KAZALD1: variants seen among roughly 807,000 people sequenced by gnomAD.
The protein encoded by KAZALD1 is kazal-type serine protease inhibitor domain-containing protein 1.
Under a neutral mutation model 27.7 loss-of-function variants are expected in KAZALD1, and 31 were observed. That is an observed-to-expected ratio of 1.12 (90% confidence interval 0.84 to 1.51). The LOEUF (loss-of-function observed/expected upper bound fraction) is 1.51, where lower values mean the gene tolerates loss of function less well. KAZALD1 is among the 40% of genes most tolerant of loss of function. KAZALD1 has a pLI of 0.00. For missense variants in KAZALD1, 444 were observed against 408.9 expected (o/e 1.09, Z -0.74); for synonymous variants, 179 against 182.0 (o/e 0.98, Z 0.13).
chr10:101,064,093 C>A lies in KAZALD1; in HGVS notation c.512-168C>A, dbSNP rs1432509389. 3 of 666,158 alleles carry A rather than the reference C, an allele frequency of 4.5e-6. No homozygotes were observed. In the East Asian group the frequency reaches 8.2e-5, roughly 18 times the overall value. The allele number at this position is 666,158 out of a possible 1,614,324, so 41.3% of individuals were successfully genotyped here. ...CCCTTGTGTGTACCAGCATCCATATCTGTGTGTACCTGTGTGTGTCACGGT... is the reference window on the plus strand; with the variant it reads ...CCCTTGTGTGTACCAGCATCCATATATGTGTGTACCTGTGTGTGTCACGGT... On this transcript the variant is annotated intron_variant, in intron 2 of 4. Transcript: ENST00000370200.
Position 101,066,443 on chromosome 10 carries a change from G to T in KAZALD1, c.*1523G>T, listed in dbSNP as rs752896145. 2.2e-6 allele frequency: 1 copy of T among 456,562 alleles called. No individual in the cohort carries two copies. Among genetic ancestry groups the T allele is most frequent in the Non-Finnish European group, 4.4e-6 (1 of 226,952 alleles). 28.3% of individuals were successfully genotyped at this position (456,562 alleles called of 1,614,324 possible). A position where few individuals can be genotyped will look rare whatever the true frequency, so the allele number is the denominator to read the frequency against. On this transcript the variant is annotated 3_prime_UTR_variant, in exon 5 of 5. Transcript: ENST00000370200. ...TAAGCCAGCGACAGTTTTTATTGCCGAACCCAGGCTGGAAGCGGGCGGCCC... is the reference window on the plus strand; with the variant it reads ...TAAGCCAGCGACAGTTTTTATTGCCTAACCCAGGCTGGAAGCGGGCGGCCC...
Position 101,064,572 on chromosome 10 carries a change from G to C in KAZALD1, c.744G>C (p.Glu248Asp), listed in dbSNP as rs1387911635. ...LQIQAVRPSD[E>D]GTYRCLGRNA... ...TCCAGGCTGTGCGTCCCAGTGATGA[G>C]GGCACTTACCGCTGCCTTGGCCGCA... Residue 248 changes from glutamate to aspartate, a missense_variant, in exon 4 of 5, where the codon GAG becomes GAC. By Grantham distance (45) the Glu-to-Asp change is conservative (BLOSUM62 2). Transcript: ENST00000370200. 1.2e-6 allele frequency: 2 copies of C among 1,614,118 alleles called. No homozygotes were observed. The highest frequency in any genetic ancestry group is 1.7e-6 in the Non-Finnish European group (2 of 1,180,020).
rs932127832 is a variant in KAZALD1, at chr10:101,065,878, G to A, written c.*958G>A. Among the ~76,000 whole-genome samples, 1 of 152,206 alleles carries A rather than the reference G, an allele frequency of 6.6e-6. No homozygotes were observed. Among genetic ancestry groups the A allele is most frequent in the Admixed American group, 6.5e-5 (1 of 15,284 alleles). ...AAACCCTTCCCCAGGCCAGAATGGGGAACAGGGCTATGTGGGTTGGCCCCC... is the reference window on the plus strand; with the variant it reads ...AAACCCTTCCCCAGGCCAGAATGGGAAACAGGGCTATGTGGGTTGGCCCCC... On this transcript the variant is annotated 3_prime_UTR_variant, in exon 5 of 5. Transcript: ENST00000370200.
At position 101,066,181 on chromosome 10, in the gene KAZALD1, A is replaced by AGGC; in HGVS notation, c.*1263_*1265dup. 1 of 332,484 alleles carries AGGC rather than the reference A, an allele frequency of 3.0e-6. No homozygotes were observed. 20.6% of individuals were successfully genotyped at this position (332,484 alleles called of 1,614,324 possible). The stretch of plus-strand genomic sequence containing the variant: ...ATGAAAGCATAAGTCAGCGAGGCCG[A>AGGC]GGCGCTGTGTGTAGATGGCGACAGC... On this transcript the variant is annotated 3_prime_UTR_variant, in exon 5 of 5. Coordinates refer to ENST00000370200, the MANE Select transcript of KAZALD1 (RefSeq NM_030929.5).
At chr10:101,062,182 A>T in intron 1 of KAZALD1, 67 bp downstream of exon 1, 1 of 206,162 alleles carries the variant, frequency 4.9e-6, no homozygotes. Flanking sequence ...ACCCCCCATT[A>T]GCAGCTTCTT....
rs767531301 is a variant in KAZALD1, at chr10:101,064,299, G to A, written c.550G>A (p.Val184Met). 2.5e-6 allele frequency: 4 copies of A among 1,614,210 alleles called. No individual in the cohort carries two copies. The highest frequency in any genetic ancestry group is 1.1e-5 in the South Asian group (1 of 91,086). Residue 184 changes from valine to methionine, a missense_variant, in exon 3 of 5, where the codon GTG (valine) becomes ATG (methionine). Physicochemically the swap from Val to Met is conservative, Grantham distance 21. Coordinates refer to ENST00000370200, the MANE Select transcript of KAZALD1 (RefSeq NM_030929.5). The part of the protein sequence containing the change: ...IVSHPYDTWN[V>M]TGQDVIFGCE... ...GTCACATCCATATGACACTTGGAAT[G>A]TGACAGGGCAGGATGTGATCTTTGG...
rs574258567 is a variant in KAZALD1 at position 101,066,558 on chromosome 10, G to A, written c.*1638G>A. 2.7e-5 allele frequency: 12 copies of A among 441,162 alleles called. No homozygotes were observed. Among genetic ancestry groups the A allele is most frequent in the Admixed American group, 1.7e-4 (7 of 42,026 alleles). The allele number at this position is 441,162 out of a possible 1,614,324, so 27.3% of individuals were successfully genotyped here. A position where few individuals can be genotyped will look rare whatever the true frequency, so the allele number is the denominator to read the frequency against. ...AAGCAGAATCAGAGGGGTAGGCGGGGGTGGGGCGTGCTGTTCGGCGCTGTG... is the reference window on the plus strand; with the variant it reads ...AAGCAGAATCAGAGGGGTAGGCGGGAGTGGGGCGTGCTGTTCGGCGCTGTG... On this transcript the variant is annotated 3_prime_UTR_variant, in exon 5 of 5. Coordinates refer to ENST00000370200, the MANE Select transcript of KAZALD1 (RefSeq NM_030929.5).
In KAZALD1 at chr10:101,066,214, ACGCCAGGGC is replaced by A; in HGVS notation, c.*1295_*1303del. The A allele has an allele frequency of 8.9e-6, 3 of 337,030 alleles. No homozygotes were observed. Among genetic ancestry groups the A allele is most frequent in the Admixed American group, 3.9e-5 (1 of 25,340 alleles). 20.9% of individuals were successfully genotyped at this position (337,030 alleles called of 1,614,324 possible). ...TGTGTAGATGGCGACAGCCTCCTAC[ACGCCAGGGC>A]TCCACCCGGATCCTGGCGCCACTGC... On this transcript the variant is annotated 3_prime_UTR_variant, in exon 5 of 5. Coordinates refer to ENST00000370200, the MANE Select transcript of KAZALD1 (RefSeq NM_030929.5).
In KAZALD1 at chr10:101,065,085, G is replaced by A. The variant is rs1590101206; in HGVS notation, c.*165G>A. On this transcript the variant is annotated 3_prime_UTR_variant, in exon 5 of 5. Coordinates refer to ENST00000370200, the MANE Select transcript of KAZALD1 (RefSeq NM_030929.5). Reference sequence around the variant, plus strand: ...TGACTCCAAGGTAGCAGTGTGGTAGGATAGAGACAAAAGCTGGAGGAGGGT... The same window carrying A: ...TGACTCCAAGGTAGCAGTGTGGTAGAATAGAGACAAAAGCTGGAGGAGGGT... The A allele has an allele frequency of 6.5e-6, 4 of 612,186 alleles. No individual in the cohort carries two copies. Among genetic ancestry groups the A allele is most frequent in the Non-Finnish European group, 8.7e-6 (3 of 344,118 alleles). The allele number at this position is 612,186 out of a possible 1,614,324, so 37.9% of individuals were successfully genotyped here.
Position 101,065,515 on chromosome 10 carries a change from G to A in KAZALD1, c.*595G>A, listed in dbSNP as rs966712620. 1.0e-4 allele frequency: 16 copies of A among 157,110 alleles called. No homozygotes were observed. Among genetic ancestry groups the A allele is most frequent in the Admixed American group, 2.4e-4 (4 of 16,418 alleles). The allele number at this position is 157,110 out of a possible 1,614,324, so 9.7% of individuals were successfully genotyped here. On this transcript the variant is annotated 3_prime_UTR_variant, in exon 5 of 5. Coordinates refer to ENST00000370200, the MANE Select transcript of KAZALD1 (RefSeq NM_030929.5). ...GCAGAGAGATAGGTGAGGCCAGCTC[G>A]AGATCTTATACCACTCTGTATTGGA... is the stretch of plus-strand genomic sequence containing the variant.
At position 101,064,858 on chromosome 10, in the gene KAZALD1, C is replaced by T. The variant is rs192613188; in HGVS notation, c.853C>T (p.Arg285Ter). ...GAACTCTACAGGCATCCCCCAGCTG[C>T]GATCACTAAACCTGGTTCCTGAGGA... ...QLNSTGIPQL[R>*]SLNLVPEEEA... The change falls in exon 5 of 5, where the codon CGA becomes TGA. Residue 285 changes from arginine (R) to a stop codon, truncating the protein, a stop_gained. Transcript: ENST00000370200. LOFTEE classifies it high-confidence loss of function. 1.7e-4 allele frequency: 273 copies of T among 1,614,136 alleles called. No homozygotes were observed. The Admixed American group carries it at 3.3e-3, about 20-fold the overall frequency.
chr10:101,066,758 C>T lies in KAZALD1; in HGVS notation c.*1838C>T. 1 of 343,746 alleles carries T rather than the reference C, an allele frequency of 2.9e-6. No homozygotes were observed. The highest frequency in any genetic ancestry group is 5.7e-6 in the Non-Finnish European group (1 of 174,104). The allele number at this position is 343,746 out of a possible 1,614,324, so 21.3% of individuals were successfully genotyped here. On this transcript the variant is annotated 3_prime_UTR_variant, in exon 5 of 5. Coordinates refer to ENST00000370200, the MANE Select transcript of KAZALD1 (RefSeq NM_030929.5). ...GAGGCTCCTCACCAAAAGCCCCACC[C>T]CACCGGAGAGGGTCACGCAGGTCCC...
At chr10:101,067,713 C>T (rs1266635894), downstream of KAZALD1, 5 of 354,448 alleles carry the variant, frequency 1.4e-5, no homozygotes, top group African/African-American at 6.4e-5. Flanking sequence ...GGTGTCCTGG[C>T]GAAGCCCAGC....
At chr10:101,068,077 G>T (rs1357156485), downstream of KAZALD1, 1 of 446,854 alleles carries the variant, frequency 2.2e-6, no homozygotes, top group African/African-American at 2.0e-5. Context: ...TGGGCCAGGG[G>T]CCTTGAGACA....
At position 101,062,654 on chromosome 10, in the gene KAZALD1, T is replaced by C; in HGVS notation, c.62T>C (p.Val21Ala). The change falls in exon 2 of 5, where the codon GTG becomes GCG. Residue 21 changes from valine (V) to alanine (A), a missense_variant. By Grantham distance (64) the Val-to-Ala change is moderately conservative. Coordinates refer to ENST00000370200, the MANE Select transcript of KAZALD1 (RefSeq NM_030929.5). ...CTGCCTGTGCTCCTGCTACTGCTGG[T>C]GGTGCTGACGCCGCCCCCGACCGGC... ...LALPVLLLLL[V>A]VLTPPPTGAR... is the part of the protein sequence containing the mutation. 6.4e-7 allele frequency: 1 copy of C among 1,562,294 alleles called. No individual in the cohort carries two copies. Among genetic ancestry groups the C allele is most frequent in the Non-Finnish European group, 8.6e-7 (1 of 1,162,818 alleles).
Position 101,064,809 on chromosome 10 carries a change from C to G in KAZALD1, c.821-17C>G. Reference sequence around the variant, plus strand: ...CCTCTCTCCTGTTCTCTCTTCTTTGCCCATGTGTGTTTGCAGACCAGCTGA... The same window carrying G: ...CCTCTCTCCTGTTCTCTCTTCTTTGGCCATGTGTGTTTGCAGACCAGCTGA... On this transcript the variant is annotated splice_polypyrimidine_tract_variant and intron_variant, in intron 4 of 4. Transcript: ENST00000370200. The G allele has an allele frequency of 6.2e-7, 1 of 1,612,602 alleles. No homozygotes were observed. Among genetic ancestry groups the G allele is most frequent in the Non-Finnish European group, 8.5e-7 (1 of 1,178,654 alleles).
downstream of KAZALD1, chr10:101,067,806 G>C (rs947674761): frequency 2.5e-6 from 1 of 400,100 alleles, no homozygotes; most frequent in Non-Finnish European, 5.2e-6. Context: ...CCCTCAAAAA[G>C]AAGCCTGGAA....
rs1351347986 is a variant in KAZALD1 at position 101,065,937 on chromosome 10, G to A, written c.*1017G>A. Among the ~76,000 whole-genome samples the A allele has an allele frequency of 6.6e-6, 1 of 152,210 alleles. No homozygotes were observed. Among genetic ancestry groups the A allele is most frequent in the East Asian group, 1.9e-4 (1 of 5,190 alleles). ...AGCATAAACTGGATAGAGGAGGGTG[G>A]AAGTTTGGTCACCTGTGTGGTCCAT... On this transcript the variant is annotated 3_prime_UTR_variant, in exon 5 of 5. Coordinates refer to ENST00000370200, the MANE Select transcript of KAZALD1 (RefSeq NM_030929.5).
chr10:101,066,256 C>A lies in KAZALD1; in HGVS notation c.*1336C>A. ...GGATCCTGGCGCCACTGCGGGAGGG[C>A]CTGCCCTTGGCTCAGCGTCAGAGTT... is the stretch of plus-strand genomic sequence containing the variant. On this transcript the variant is annotated 3_prime_UTR_variant, in exon 5 of 5. Coordinates refer to ENST00000370200, the MANE Select transcript of KAZALD1 (RefSeq NM_030929.5). 2.7e-6 allele frequency: 1 copy of A among 375,206 alleles called. No homozygotes were observed. Among genetic ancestry groups the A allele is most frequent in the Admixed American group, 3.0e-5 (1 of 33,746 alleles). 23.2% of individuals were successfully genotyped at this position (375,206 alleles called of 1,614,324 possible).
Sources: allele counts gnomAD v4.1 joint callset (sites outside exome capture counted in the v4.1 genomes callset), GRCh38; gene constraint gnomAD v4.1.1; transcripts MANE v1.5; gene names NCBI Gene and HGNC (gene_info 2026-07-23, HGNC 2026-07-21).